The following CLDN10 variants were observed in gnomAD, a reference collection of about 807,000 sequenced individuals.
The protein encoded by CLDN10 is claudin-10.
Under a neutral mutation model 22.9 loss-of-function variants are expected in CLDN10, and 15 were observed. The ratio of observed to expected loss-of-function variants is 0.65; its 90% CI spans 0.44 to 1.01. The LOEUF (loss-of-function observed/expected upper bound fraction) is 1.01, where lower values mean the gene tolerates loss of function less well. Ranked by LOEUF, CLDN10 falls within the 50% of genes least tolerant of loss-of-function variation. CLDN10 has a pLI of 0.00. For synonymous variants in CLDN10, 114 were observed against 111.4 expected, an observed-to-expected ratio of 1.02 and a Z score of -0.15; for missense variants, 247 against 287.8, an observed-to-expected ratio of 0.86 and a Z score of 1.03.
chr13:95,448,719 G>GTATTTTATTTTATTTTATTT (rs59288111), intron 1 of CLDN10, among the ~76,000 whole-genome samples: 23,487 of 144,066 alleles, frequency 0.16, 2,529 homozygotes, highest in Non-Finnish European at 0.23. Flanking sequence ...CTAAGCCATA[G>GTATTTTATTTTATTTTATTT]TATTTTATTT....
chr13:95,439,465 C>A (rs1355239367), intron 1 of CLDN10, among the ~76,000 whole-genome samples: 2 of 151,776 alleles, frequency 1.3e-5, no homozygotes, highest in Admixed American at 1.3e-4. Context: ...TCCCAAGTAG[C>A]GGGGACTACA....
At chr13:95,460,802 G>A (rs1017059264) in intron 1 of CLDN10, among the ~76,000 whole-genome samples, 9 of 151,988 alleles carry the variant, frequency 5.9e-5, no homozygotes, top group African/African-American at 1.2e-4. Context: ...ACATACCACC[G>A]CACTCAGCTA....
At chr13:95,476,697 A>G (rs766088120) in intron 1 of CLDN10, among the ~76,000 whole-genome samples, 1 of 152,040 alleles carries the variant, frequency 6.6e-6, no homozygotes, top group African/African-American at 2.4e-5. Context: ...TAGGAGATGG[A>G]GAGAGAAAGG....
chr13:95,436,977 ATCT>A, intron 1 of CLDN10, among the ~76,000 whole-genome samples: 1 of 152,320 alleles, frequency 6.6e-6, no homozygotes, highest in South Asian at 2.1e-4. Context: ...TTTGAGACAA[ATCT>A]TCTTAGACTT....
intron 1 of CLDN10, among the ~76,000 whole-genome samples, chr13:95,517,014 C>CCTTG (rs1188765650): frequency 2.5e-4 from 35 of 142,174 alleles, no homozygotes; most frequent in African/African-American, 9.0e-4. Flanking sequence ...TTCCTTCCTT[C>CCTTG]CTTCCTTCCT....
At chr13:95,473,103 G>T (rs2042651655) in intron 1 of CLDN10, among the ~76,000 whole-genome samples, 1 of 142,374 alleles carries the variant, frequency 7.0e-6, no homozygotes, top group African/African-American at 2.6e-5. Flanking sequence ...TCGTACCACA[G>T]CACTTCAAGC....
chr13:95,471,404 TAC>T (rs1334842414), intron 1 of CLDN10, among the ~76,000 whole-genome samples: 3 of 140,388 alleles, frequency 2.1e-5, no homozygotes, highest in East Asian at 2.1e-4. Flanking sequence ...CATGTATATA[TAC>T]ACACACACAT....
In CLDN10 at chr13:95,578,116, T is replaced by C. The variant is rs2043963220; in HGVS notation, c.*102T>C. The C allele has an allele frequency of 3.2e-6, 2 of 624,128 alleles. No homozygotes were observed. Among genetic ancestry groups the C allele is most frequent in the Admixed American group, 3.0e-5 (1 of 33,220 alleles). The allele number at this position is 624,128 out of a possible 1,614,324, so 38.7% of individuals were successfully genotyped here. A position where few individuals can be genotyped will look rare whatever the true frequency, so the allele number is the denominator to read the frequency against. On this transcript the variant is annotated 3_prime_UTR_variant, in exon 5 of 5. Transcript: ENST00000299339. ...CCCATAATTAACACTCAAAACTATT[T>C]TTAAAATATGCATTTGAAGCATCTG...
At chr13:95,471,683 A>G (rs909879862) in intron 1 of CLDN10, among the ~76,000 whole-genome samples, 2 of 151,842 alleles carry the variant, frequency 1.3e-5, no homozygotes, top group Admixed American at 1.3e-4. Context: ...AACTCCTGAC[A>G]TCAGGTGATC....
intron 1 of CLDN10, among the ~76,000 whole-genome samples, chr13:95,453,912 C>CAAGACTAGCCTAGCCAATGT: frequency 6.6e-6 from 1 of 151,816 alleles, no homozygotes; most frequent in Non-Finnish European, 1.5e-5. Context: ...GTTGGGAGTT[C>CAAGACTAGCCTAGCCAATGT]GGGATCTAGT....
chr13:95,553,057 A>C, intron 1 of CLDN10, 84 bp downstream of exon 1: 1 of 1,537,696 alleles, frequency 6.5e-7, no homozygotes, highest in Non-Finnish European at 8.7e-7. Context: ...CAATACCCCC[A>C]GCGGGACCCC....
At chr13:95,540,498 C>CAA (rs201643063) in intron 1 of CLDN10, among the ~76,000 whole-genome samples, 14 of 148,350 alleles carry the variant, frequency 9.4e-5, no homozygotes, top group African/African-American at 3.5e-4. Flanking sequence ...GACTCTGTCT[C>CAA]AAAAAAAAAG....
chr13:95,572,469 G>A (rs1056051172), intron 3 of CLDN10, among the ~76,000 whole-genome samples: 1 of 152,076 alleles, frequency 6.6e-6, no homozygotes, highest in Admixed American at 6.5e-5. Context: ...TTTGTAAAAT[G>A]AGGATAGTAA....
chr13:95,549,866 T>C (rs1459492592), upstream of CLDN10, among the ~76,000 whole-genome samples: 2 of 152,214 alleles, frequency 1.3e-5, no homozygotes, highest in Non-Finnish European at 2.9e-5. Context: ...GTGTTTCCCA[T>C]CCCTTTTAAG....
intron 1 of CLDN10, among the ~76,000 whole-genome samples, chr13:95,471,453 A>ATAT (rs776857009): frequency 2.0e-4 from 21 of 106,390 alleles, no homozygotes; most frequent in East Asian, 5.8e-4. Flanking sequence ...ATATATATAT[A>ATAT]TTTTTTTTTT....
chr13:95,523,877 A>G (rs1024886891), intron 1 of CLDN10, among the ~76,000 whole-genome samples: 2 of 152,190 alleles, frequency 1.3e-5, no homozygotes, highest in African/African-American at 2.4e-5. Flanking sequence ...ACCTCTACAC[A>G]TGAGATGACC....
At chr13:95,533,127 CTAAA>C (rs2043363336) in intron 1 of CLDN10, among the ~76,000 whole-genome samples, 2 of 149,790 alleles carry the variant, frequency 1.3e-5, no homozygotes. Flanking sequence ...AAAAGAAAAA[CTAAA>C]TATTAATATC....
chr13:95,507,494 A>G (rs563263414), intron 1 of CLDN10, among the ~76,000 whole-genome samples: 1 of 152,196 alleles, frequency 6.6e-6, no homozygotes, highest in African/African-American at 2.4e-5. Context: ...GATTATAAAG[A>G]CGATGTGGGG....
intron 1 of CLDN10, among the ~76,000 whole-genome samples, chr13:95,478,747 G>A (rs959204568): frequency 6.6e-6 from 1 of 152,326 alleles, no homozygotes; most frequent in South Asian, 2.1e-4. Context: ...GTTTCATTAA[G>A]GTTCCGCGTT....
Sources: gnomAD v4.1 joint callset for allele counts (sites outside exome capture counted in the v4.1 genomes callset) on GRCh38, gnomAD v4.1.1 for gene constraint, MANE v1.5 for transcripts, NCBI Gene and HGNC (gene_info 2026-07-23, HGNC 2026-07-21) for gene names.